The following ZNF266 variants were observed in gnomAD, a reference collection of about 807,000 sequenced individuals.
ZNF266 encodes zinc finger protein 266, also known as zinc finger protein 1.
ZNF266 carries 16 observed loss-of-function variants against 16.4 expected under a neutral mutation model. The ratio of observed to expected loss-of-function variants is 0.98; its 90% CI spans 0.66 to 1.48. The LOEUF is 1.48. Among genes scored for constraint, ZNF266 ranks in the 40% most tolerant of loss-of-function variants. The pLI is 0.00. For synonymous variants in ZNF266, 262 were observed against 237.9 expected, an observed-to-expected ratio of 1.10 and a Z score of -0.93; for missense variants, 738 against 689.1, an observed-to-expected ratio of 1.07 and a Z score of -0.79.
chr19:9,428,122 C>T (rs1210318464), intron 5 of ZNF266, among the ~76,000 whole-genome samples: 5 of 152,182 alleles, frequency 3.3e-5, no homozygotes, highest in Admixed American at 3.3e-4. Context: ...CCCCTCCTGA[C>T]TTCCTGTTAT....
intron 8 of ZNF266, 78 bp from the exon 9 acceptor site, chr19:9,417,986 A>G: frequency 7.3e-7 from 1 of 1,370,994 alleles, no homozygotes. Flanking sequence ...CAGGAGATAT[A>G]GTTCCAATGG....
At chr19:9,417,275 C>T (rs2069184025) in intron 9 of ZNF266, among the ~76,000 whole-genome samples, 1 of 152,026 alleles carries the variant, frequency 6.6e-6, no homozygotes, top group South Asian at 2.1e-4. Context: ...AGGACGAGTA[C>T]TCAGGAGAAT....
chr19:9,426,861 TAGCCTTGC>T (rs112310078), intron 5 of ZNF266, among the ~76,000 whole-genome samples: 3,233 of 152,308 alleles, frequency 0.021, 110 homozygotes, highest in African/African-American at 0.074. Flanking sequence ...GCTTTAACTG[TAGCCTTGC>T]TTAAATCTCC....
At chr19:9,430,730 C>G (rs58359623) in intron 5 of ZNF266, among the ~76,000 whole-genome samples, 86,350 of 151,888 alleles carry the variant, frequency 0.57, 24,763 homozygotes, top group Middle Eastern at 0.64. Context: ...CAGCTGCTGA[C>G]CATAATGAAA....
chr19:9,422,793 A>AT (rs1309526801), intron 5 of ZNF266, among the ~76,000 whole-genome samples: 1 of 152,224 alleles, frequency 6.6e-6, no homozygotes, highest in Non-Finnish European at 1.5e-5. Flanking sequence ...AACTTCAGGC[A>AT]GTGTATTGGC....
intron 9 of ZNF266, among the ~76,000 whole-genome samples, chr19:9,416,646 G>C (rs1381266738): frequency 2.8e-5 from 4 of 143,048 alleles, no homozygotes; most frequent in Non-Finnish European, 1.5e-5. Context: ...TTACAGACGT[G>C]AGCCACCGTG....
intron 8 of ZNF266, 146 bp from the exon 9 acceptor site, chr19:9,418,054 C>G: frequency 1.2e-6 from 1 of 821,222 alleles, no homozygotes; most frequent in Non-Finnish European, 1.9e-6. Flanking sequence ...TCTGTGCCCC[C>G]AAAAGATTGG....
At position 9,431,308 on chromosome 19, in the gene ZNF266, CCCT is replaced by C. The variant is rs2071551245; in HGVS notation, c.-130+2357_-130+2359del. Among the ~76,000 whole-genome samples the C allele has an allele frequency of 5.9e-5, 9 of 152,318 alleles. No individual in the cohort carries two copies. In the South Asian group the frequency reaches 1.9e-3, roughly 32 times the overall value. ...TGGCCCAGTCACCACCACCCTGTGGCCCTCCTAATATGGACGCCACATGCTCAA... is the reference window on the plus strand; with the variant it reads ...TGGCCCAGTCACCACCACCCTGTGGCCCTAATATGGACGCCACATGCTCAA... On this transcript the variant is annotated intron_variant, in intron 5 of 10. Transcript: ENST00000592904.
intron 9 of ZNF266, among the ~76,000 whole-genome samples, chr19:9,416,305 G>T (rs1162793042): frequency 6.6e-6 from 1 of 150,736 alleles, no homozygotes; most frequent in African/African-American, 2.4e-5. Flanking sequence ...ACCATGGAAG[G>T]AAAGTTGAGG....
chr19:9,415,746 A>C lies in ZNF266; in HGVS notation c.317-4T>G, dbSNP rs758367594. 72 of 1,610,978 alleles carry C rather than the reference A, an allele frequency of 4.5e-5. No individual in the cohort carries two copies. The East Asian group carries it at 9.4e-4, about 21-fold the overall frequency. On this transcript the variant is annotated splice_polypyrimidine_tract_variant and splice_region_variant and intron_variant, in intron 9 of 10. Transcript: ENST00000592904. ...AGTTGCACTTTCCATTCTGAAGCTG[A>C]AGAGAAAAAGAAATGTAAGGGTTTG...
Position 9,414,536 on chromosome 19 carries a change from A to C in ZNF266, c.590T>G (p.Val197Gly), listed in dbSNP as rs766703620. 4 of 1,614,110 alleles carry C rather than the reference A, an allele frequency of 2.5e-6. No homozygotes were observed. Among genetic ancestry groups the C allele is most frequent in the Non-Finnish European group, 3.4e-6 (4 of 1,179,936 alleles). The change falls in exon 11 of 11, where the codon GTA (valine) becomes GGA (glycine). Residue 197 changes from valine (V) to glycine (G), a missense_variant. Physicochemically the swap from Val to Gly is moderately radical, Grantham distance 109. Transcript: ENST00000592904. ...GAAGGCTTTTCCACACTGACTAAAT[A>C]CAGAACGTTGCTCTCCAGTAGAGGT... is the stretch of plus-strand genomic sequence containing the variant. ...KKTSTGEQRSVFSQCGKAFSL... is the reference protein window; with the variant it reads ...KKTSTGEQRSGFSQCGKAFSL...
At chr19:9,416,829 G>A (rs1014132956) in intron 9 of ZNF266, among the ~76,000 whole-genome samples, 2 of 150,690 alleles carry the variant, frequency 1.3e-5, no homozygotes, top group South Asian at 4.2e-4. Flanking sequence ...GCGCCACCAC[G>A]CCCAGCTAAT....
At chr19:9,421,777 T>A (rs1184201183) in intron 5 of ZNF266, among the ~76,000 whole-genome samples, 1 of 152,366 alleles carries the variant, frequency 6.6e-6, no homozygotes, top group African/African-American at 2.4e-5. Flanking sequence ...TACTCCTTTA[T>A]ACATCTTGTA....
intron 5 of ZNF266, among the ~76,000 whole-genome samples, chr19:9,421,201 C>T (rs1338348502): frequency 6.6e-6 from 1 of 152,144 alleles, no homozygotes; most frequent in Admixed American, 6.5e-5. Flanking sequence ...TACACCCCCA[C>T]AAGGACGCTA....
intron 5 of ZNF266, among the ~76,000 whole-genome samples, chr19:9,433,361 T>C (rs2071932961): frequency 6.6e-6 from 1 of 152,138 alleles, no homozygotes; most frequent in African/African-American, 2.4e-5. Context: ...TGAGTGTCTA[T>C]AAGGAGTCAC....
chr19:9,413,891 A>C lies in ZNF266; in HGVS notation c.1235T>G (p.Ile412Ser), dbSNP rs577073401. Residue 412 changes from isoleucine (I) to serine (S), a missense_variant, in exon 11 of 11, where the codon ATT becomes AGT. Physicochemically the swap from Ile to Ser is moderately radical, Grantham distance 142 (BLOSUM62 -2). Coordinates refer to ENST00000592904, the MANE Select transcript of ZNF266 (RefSeq NM_001370374.1). ...NSSCLSDHFR[I>S]HTGIKPYKCK... The stretch of plus-strand genomic sequence containing the variant: ...TTTATAGGGTTTTATTCCAGTGTGA[A>C]TTCGAAAGTGATCACTGAGGCATGA... The C allele has an allele frequency of 1.9e-6, 3 of 1,611,934 alleles. No homozygotes were observed. The highest frequency in any genetic ancestry group is 2.5e-6 in the Non-Finnish European group (3 of 1,179,460).
chr19:9,414,026 T>G lies in ZNF266; in HGVS notation c.1100A>C (p.Glu367Ala), dbSNP rs1216338880. The G allele has an allele frequency of 1.9e-6, 3 of 1,614,158 alleles. No homozygotes were observed. Among genetic ancestry groups the G allele is most frequent in the South Asian group, 2.2e-5 (2 of 91,084 alleles). Residue 367 changes from glutamate to alanine, a missense_variant, in exon 11 of 11, where the codon GAA becomes GCA. Physicochemically the swap from Glu to Ala is moderately radical, Grantham distance 107. Coordinates refer to ENST00000592904, the MANE Select transcript of ZNF266 (RefSeq NM_001370374.1). ...HVGEKPYECK[E>A]CGIAFTRSSQ... ...AGATCTAGTGAAGGCTATCCCACAT[T>G]CCTTGCATTCATAAGGCTTCTCACC...
intron 5 of ZNF266, among the ~76,000 whole-genome samples, chr19:9,425,966 C>T (rs531811104): frequency 1.4e-4 from 22 of 152,232 alleles, no homozygotes; most frequent in African/African-American, 4.8e-4. Flanking sequence ...AGAGGAAGAC[C>T]GGCATTCTGA....
chr19:9,413,620 GGGC>G lies in ZNF266; in HGVS notation c.1503_1505del (p.Lys501_Pro502delinsAsn). ...CTTTACCACATTCCAGGCACTCAAA[GGGC>G]TTCTCTCCAGTGTGAATTCTCAAAT... On this transcript the variant is annotated inframe_deletion, in exon 11 of 11. Coordinates refer to ENST00000592904, the MANE Select transcript of ZNF266 (RefSeq NM_001370374.1). 1 of 1,614,036 alleles carries G rather than the reference GGGC, an allele frequency of 6.2e-7. No individual in the cohort carries two copies. The highest frequency in any genetic ancestry group is 8.5e-7 in the Non-Finnish European group (1 of 1,180,004).
Sources: allele counts gnomAD v4.1 joint callset (sites outside exome capture counted in the v4.1 genomes callset), GRCh38; gene constraint gnomAD v4.1.1; transcripts MANE v1.5; gene names NCBI Gene and HGNC (gene_info 2026-07-23, HGNC 2026-07-21).